Variants in PNLDC1 observed in about 807,000 individuals in gnomAD.
The protein encoded by PNLDC1 is poly(A)-specific ribonuclease PNLDC1.
A neutral mutation model predicts 82.0 loss-of-function variants in PNLDC1; 70 were observed. That is an observed-to-expected ratio of 0.85 (90% CI 0.70 to 1.04). The LOEUF (loss-of-function observed/expected upper bound fraction) is 1.04. Ranked by LOEUF, PNLDC1 falls within the 50% of genes least tolerant of loss-of-function variation. PNLDC1 has a pLI of 0.00. For synonymous variants in PNLDC1, 280 were observed against 249.3 expected (o/e 1.12, Z -1.16); for missense variants, 631 against 661.1 (o/e 0.95, Z 0.50).
rs150696726 is a variant in PNLDC1 at position 159,818,613 on chromosome 6, G to A, written c.1216G>A (p.Val406Met). 5.0e-5 allele frequency: 80 copies of A among 1,613,740 alleles called. No individual in the cohort carries two copies. In the African/African-American group the frequency reaches 7.5e-4, roughly 15 times the overall value. ...GTACCTTGACGTGCTGGCTCCTTAC[G>A]TGAACCAAGTGAACCTCATCCGAGC... ...PQYLDVLAPY[V>M]NQVNLIRAGV... Residue 406 changes from valine to methionine, a missense_variant, in exon 16 of 19, where the codon GTG (valine) becomes ATG (methionine). By Grantham distance (21) the Val-to-Met change is conservative. Transcript: ENST00000392167.
At chr6:159,817,555 A>G (rs991852792) in intron 15 of PNLDC1, among the ~76,000 whole-genome samples, 2 of 152,232 alleles carry the variant, frequency 1.3e-5, no homozygotes, top group African/African-American at 2.4e-5. Flanking sequence ...AATGAATGAC[A>G]TATCCTTTGT....
In PNLDC1 at chr6:159,803,257, G is replaced by C; in HGVS notation, c.209-14G>C. On this transcript the variant is annotated splice_polypyrimidine_tract_variant and intron_variant, in intron 3 of 18. Transcript: ENST00000392167. ...TTTCCTTGGCATTCATTCCCTCTAC[G>C]GTCATTCTTCCAGGATTGTCTGTGT... The C allele has an allele frequency of 6.2e-7, 1 of 1,613,734 alleles. No homozygotes were observed. Among genetic ancestry groups the C allele is most frequent in the Non-Finnish European group, 8.5e-7 (1 of 1,179,756 alleles).
intron 7 of PNLDC1, among the ~76,000 whole-genome samples, chr6:159,807,850 A>G (rs914897597): frequency 1.3e-5 from 2 of 152,004 alleles, no homozygotes; most frequent in East Asian, 1.9e-4. Flanking sequence ...ATCCAAAGTC[A>G]TTTGATAAGG....
Position 159,820,586 on chromosome 6 carries a change from G to T in PNLDC1, c.*69G>T. Reference sequence around the variant, plus strand: ...TCTGGGAGGTGTGCTGGGTGTGTTCGTGTAAATCAGATTCTGTTTGCAGAT... The same window carrying T: ...TCTGGGAGGTGTGCTGGGTGTGTTCTTGTAAATCAGATTCTGTTTGCAGAT... On this transcript the variant is annotated 3_prime_UTR_variant, in exon 19 of 19. Coordinates refer to ENST00000392167, the MANE Select transcript of PNLDC1 (RefSeq NM_001271862.2). 1 of 1,430,732 alleles carries T rather than the reference G, an allele frequency of 7.0e-7. No homozygotes were observed. Among genetic ancestry groups the T allele is most frequent in the Non-Finnish European group, 9.8e-7 (1 of 1,016,224 alleles). 88.6% of individuals were successfully genotyped at this position (1,430,732 alleles called of 1,614,324 possible).
chr6:159,813,539 C>A (rs918292261), intron 11 of PNLDC1, 62 bp from the exon 12 acceptor site: 2 of 1,475,286 alleles, frequency 1.4e-6, no homozygotes, highest in African/African-American at 1.4e-5. Context: ...TTGGTACTGC[C>A]TGAAACAGAG....
At chr6:159,808,664 T>C in intron 7 of PNLDC1, 76 bp from the exon 8 acceptor site, 2 of 1,363,178 alleles carry the variant, frequency 1.5e-6, no homozygotes, top group East Asian at 4.9e-5. Context: ...CAGCTTCTGC[T>C]CCTCCAGGGC....
intron 6 of PNLDC1, among the ~76,000 whole-genome samples, chr6:159,805,115 T>C (rs1781400547): frequency 6.6e-6 from 1 of 152,246 alleles, no homozygotes; most frequent in Non-Finnish European, 1.5e-5. Context: ...TCTGCCCTGC[T>C]GTGCCTGACC....
At position 159,819,651 on chromosome 6, in the gene PNLDC1, G is replaced by A. The variant is rs1305442008; in HGVS notation, c.1532+299G>A. On this transcript the variant is annotated intron_variant, in intron 18 of 18. Coordinates refer to ENST00000392167, the MANE Select transcript of PNLDC1 (RefSeq NM_001271862.2). The surrounding 1 kb of genome is among the most constrained non-coding windows in gnomAD (Gnocchi z 4.6). ...AGGATAAACAAATGGACCCTATAAT[G>A]TGTTGGGTGACAAGTGTTTATTAAA... 6.6e-6 allele frequency among the ~76,000 whole-genome samples: 1 copy of A among 152,204 alleles called. No individual in the cohort carries two copies. Among genetic ancestry groups the A allele is most frequent in the Non-Finnish European group, 1.5e-5 (1 of 68,044 alleles).
In PNLDC1 at chr6:159,818,662, G is replaced by C. The variant is rs1486937600; in HGVS notation, c.1257+8G>C. 1 of 1,611,162 alleles carries C rather than the reference G, an allele frequency of 6.2e-7. No individual in the cohort carries two copies. ...GCGGGGGTCCCAAAGATCGTGAGTA[G>C]ATCTCATTTGGCCCCCTCGCCCCAT... On this transcript the variant is annotated splice_region_variant and intron_variant, in intron 16 of 18. Coordinates refer to ENST00000392167, the MANE Select transcript of PNLDC1 (RefSeq NM_001271862.2).
chr6:159,816,117 C>CCCACCCCCCTCCCCCCCCCCCCG (rs1781807020), intron 13 of PNLDC1, 84 bp downstream of exon 13: 9 of 1,028,502 alleles, frequency 8.8e-6, no homozygotes, highest in South Asian at 7.7e-5. Context: ...CCCTGGTTCC[C>CCCACCCCCCTCCCCCCCCCCCCG]CCACACCCCT....
At chr6:159,817,294 C>A in intron 15 of PNLDC1, 143 bp downstream of exon 15, 1 of 805,460 alleles carries the variant, frequency 1.2e-6, no homozygotes, top group Non-Finnish European at 2.1e-6. Context: ...AAATCTTGTC[C>A]CTGACTGGGC....
At chr6:159,799,753 G>GT (rs1469126955), upstream of PNLDC1, among the ~76,000 whole-genome samples, 1 of 152,194 alleles carries the variant, frequency 6.6e-6, no homozygotes, top group East Asian at 1.9e-4. Context: ...GCTTTGCAAA[G>GT]TTTGATTGCA....
intron 12 of PNLDC1, 95 bp downstream of exon 12, chr6:159,813,751 T>A: frequency 9.2e-7 from 1 of 1,092,046 alleles, no homozygotes; most frequent in Non-Finnish European, 1.4e-6. Flanking sequence ...TGCCCACCAT[T>A]CACAGTGATG....
chr6:159,811,722 A>G lies in PNLDC1; in HGVS notation c.875A>G (p.Gln292Arg). 1 of 1,613,750 alleles carries G rather than the reference A, an allele frequency of 6.2e-7. No individual in the cohort carries two copies. Among genetic ancestry groups the G allele is most frequent in the Non-Finnish European group, 8.5e-7 (1 of 1,179,686 alleles). The change falls in exon 11 of 19, where the codon CAG (glutamine) becomes CGG (arginine). Residue 292 changes from glutamine to arginine, a missense_variant. Coordinates refer to ENST00000392167, the MANE Select transcript of PNLDC1 (RefSeq NM_001271862.2). ...TCAGAAAGCTACGATCAATTTAAGC[A>G]GAATATCCACAGCCTATTTCCTGTT... ...PLPESYDQFK[Q>R]NIHSLFPVLI...
intron 6 of PNLDC1, 186 bp from the exon 7 acceptor site, chr6:159,805,797 C>T (rs1459622153): frequency 3.4e-6 from 2 of 588,122 alleles, no homozygotes; most frequent in South Asian, 1.9e-5. Flanking sequence ...GTGGGCTATT[C>T]TTCCAATTGT....
upstream of PNLDC1, chr6:159,800,149 G>C (rs1169251067): frequency 3.3e-6 from 2 of 603,376 alleles, no homozygotes; most frequent in Non-Finnish European, 5.7e-6. Context: ...AGGTGTGGGC[G>C]ACGCCAGCAG....
chr6:159,811,145 T>C (rs1781632623), intron 10 of PNLDC1, among the ~76,000 whole-genome samples: 1 of 152,128 alleles, frequency 6.6e-6, no homozygotes, highest in Non-Finnish European at 1.5e-5. Flanking sequence ...GGAAAAGAAC[T>C]GCGAGTGGTT....
intron 4 of PNLDC1, 33 bp downstream of exon 4, chr6:159,803,343 C>T (rs551596876): frequency 2.7e-5 from 43 of 1,589,494 alleles, no homozygotes; most frequent in East Asian, 2.2e-4. Context: ...AACATAGGTG[C>T]TTCCCACCTA....
At chr6:159,808,877 A>G (rs899662618) in intron 8 of PNLDC1, 61 bp downstream of exon 8, 1 of 1,601,598 alleles carries the variant, frequency 6.2e-7, no homozygotes, top group African/African-American at 1.3e-5. Flanking sequence ...ATAATTGGCC[A>G]AATCTGGCCT....
Sources: gnomAD v4.1 joint callset for allele counts (sites outside exome capture counted in the v4.1 genomes callset) on GRCh38, gnomAD v4.1.1 for gene constraint, Gnocchi (gnomAD v3.1) non-coding constraint, MANE v1.5 for transcripts, NCBI Gene and HGNC (gene_info 2026-07-23, HGNC 2026-07-21) for gene names.